ANO8: variants seen among roughly 807,000 people sequenced by gnomAD.
ANO8 encodes the protein anoctamin 8, also known as anoctamin-8.
In ANO8, 67 loss-of-function variants were observed where a neutral mutation model predicts 120.4. The ratio of observed to expected loss-of-function variants is 0.56; its 90% CI spans 0.46 to 0.68. The LOEUF is 0.68. ANO8 is among the 30% of genes least tolerant of loss of function. The pLI is 0.00. For missense variants in ANO8, 1,526 were observed against 1,737.6 expected (o/e 0.88, Z 2.16); for synonymous variants, 727 against 759.2 (o/e 0.96, Z 0.70).
chr19:17,328,418 G>A lies in ANO8; in HGVS notation c.1970C>T (p.Ala657Val), dbSNP rs1424002253. 1 of 1,574,880 alleles carries A rather than the reference G, an allele frequency of 6.3e-7. No individual in the cohort carries two copies. Among genetic ancestry groups the A allele is most frequent in the Non-Finnish European group, 8.6e-7 (1 of 1,166,488 alleles). ...CCCCTCCGCCTCGTCGTCCTCCTCG[G>A]CCAGGGTGAACACTCCCGGCTCCAG... ...KGLEPGVFTL[A>V]EEDDEAEGAP... The change falls in exon 13 of 18, where the codon GCC (alanine) becomes GTC (valine). Residue 657 changes from alanine to valine, a missense_variant. By Grantham distance (64) the Ala-to-Val change is moderately conservative (BLOSUM62 0). This residue lies in a region of ANO8 where 467 missense variants were observed against 425.8 expected (regional missense o/e 1.10). Transcript: ENST00000159087.
At chr19:17,323,988 A>G in intron 17 of ANO8, 104 bp from the exon 18 acceptor site, 1 of 1,024,226 alleles carries the variant, frequency 9.8e-7, no homozygotes, top group South Asian at 4.6e-5. Flanking sequence ...AGGCACATAA[A>G]GGCCTTATTG....
Position 17,328,452 on chromosome 19 carries a change from C to G in ANO8, c.1936G>C (p.Glu646Gln), listed in dbSNP as rs1422759506. 1 of 1,576,670 alleles carries G rather than the reference C, an allele frequency of 6.3e-7. No individual in the cohort carries two copies. Among genetic ancestry groups the G allele is most frequent in the Admixed American group, 1.8e-5 (1 of 55,382 alleles). The change falls in exon 13 of 18, where the codon GAG (glutamate) becomes CAG (glutamine). Residue 646 changes from glutamate to glutamine, a missense_variant. Coordinates refer to ENST00000159087, the MANE Select transcript of ANO8 (RefSeq NM_020959.3). ...LLEEGSPTMV[E>Q]KGLEPGVFTL... ...AACACTCCCGGCTCCAGCCCCTTCTCCACCATAGTGGGGCTCCCTTCCTCC... is the reference window on the plus strand; with the variant it reads ...AACACTCCCGGCTCCAGCCCCTTCTGCACCATAGTGGGGCTCCCTTCCTCC...
In ANO8 at chr19:17,331,076, C is replaced by G. The variant is rs748451040; in HGVS notation, c.831+12G>C. 1.2e-6 allele frequency: 2 copies of G among 1,614,136 alleles called. No homozygotes were observed. Among genetic ancestry groups the G allele is most frequent in the East Asian group, 4.5e-5 (2 of 44,878 alleles). ...TGGATCCCCCAGACCTTGCAGGGTCCCTGCCCAGTACCTGATCAGCCTCTG... is the reference window on the plus strand; with the variant it reads ...TGGATCCCCCAGACCTTGCAGGGTCGCTGCCCAGTACCTGATCAGCCTCTG... On this transcript the variant is annotated intron_variant, in intron 7 of 17. Transcript: ENST00000159087.
chr19:17,332,193 C>G (rs983543108), intron 5 of ANO8, among the ~76,000 whole-genome samples: 9 of 138,806 alleles, frequency 6.5e-5, no homozygotes, highest in African/African-American at 2.4e-4. Context: ...CCTCAGCCTC[C>G]CAAAGTGCTG....
In ANO8 at chr19:17,330,389, C is replaced by T; in HGVS notation, c.1109G>A (p.Cys370Tyr). 1 of 1,588,070 alleles carries T rather than the reference C, an allele frequency of 6.3e-7. No homozygotes were observed. The highest frequency in any genetic ancestry group is 8.6e-7 in the Non-Finnish European group (1 of 1,167,262). Residue 370 changes from cysteine to tyrosine, a missense_variant, in exon 9 of 18, where the codon TGT becomes TAT. Coordinates refer to ENST00000159087, the MANE Select transcript of ANO8 (RefSeq NM_020959.3). ...GCAGCCAAGCATGAGCAAGAAGACA[C>T]AGACGAGGCACGCCAGGCACAGGGG... ...SLPLCLACLVCVFLLMLGCFQ... is the reference protein window; with the variant it reads ...SLPLCLACLVYVFLLMLGCFQ...
chr19:17,330,032 G>T lies in ANO8; in HGVS notation c.1274-18C>A, dbSNP rs199748592. Reference sequence around the variant, plus strand: ...GTAATTTTCTAGGGGCCAAGGGGGGGAGTGAGGGGGCAGCCGCGGTCCCCC... The same window carrying T: ...GTAATTTTCTAGGGGCCAAGGGGGGTAGTGAGGGGGCAGCCGCGGTCCCCC... On this transcript the variant is annotated intron_variant, in intron 10 of 17. Coordinates refer to ENST00000159087, the MANE Select transcript of ANO8 (RefSeq NM_020959.3). 55 of 1,614,030 alleles carry T rather than the reference G, an allele frequency of 3.4e-5. 1 individual carries two copies. In the Admixed American group the frequency reaches 7.5e-4, roughly 22 times the overall value.
Position 17,325,139 on chromosome 19 carries a change from A to G in ANO8, c.2909T>C (p.Leu970Pro). The change falls in exon 17 of 18, where the codon CTG becomes CCG. Residue 970 changes from leucine (L) to proline (P), a missense_variant. Physicochemically the swap from Leu to Pro is moderately conservative, Grantham distance 98. This residue lies in a region of ANO8 where 489 missense variants were observed against 548.6 expected (regional missense o/e 0.89). Coordinates refer to ENST00000159087, the MANE Select transcript of ANO8 (RefSeq NM_020959.3). ...PERPKRPGSL[L>P]APNNVMKLKQ... Reference sequence around the variant, plus strand: ...CAACTTCATGACGTTGTTGGGTGCCAGCAGGGACCCTGGGCGCTTGGGCCG... The same window carrying G: ...CAACTTCATGACGTTGTTGGGTGCCGGCAGGGACCCTGGGCGCTTGGGCCG... The G allele has an allele frequency of 6.2e-7, 1 of 1,613,674 alleles. No individual in the cohort carries two copies. The highest frequency in any genetic ancestry group is 8.5e-7 in the Non-Finnish European group (1 of 1,179,950).
chr19:17,331,931 CTTTTTTT>C (rs71180396), intron 5 of ANO8, among the ~76,000 whole-genome samples: 12 of 78,604 alleles, frequency 1.5e-4, no homozygotes, highest in African/African-American at 2.7e-4. Context: ...CCGCGCCCGG[CTTTTTTT>C]TTTTTTTTTT....
In ANO8 at chr19:17,330,478, C is replaced by A. The variant is rs1412392485; in HGVS notation, c.1020G>T (p.Thr340=). The change falls in exon 9 of 18, where the codon ACG becomes ACT. Residue 340 remains threonine (T), a synonymous_variant. Transcript: ENST00000159087. ...FRGVRRISPI[T]RAEEFYYPPW... is the part of the protein sequence containing the mutation. ...GCGGGTAGTAGAACTCCTCGGCCCG[C>A]GTGATGGGGCTGATACGTCGCACGC... The A allele has an allele frequency of 6.5e-7, 1 of 1,546,464 alleles. No individual in the cohort carries two copies. Among genetic ancestry groups the A allele is most frequent in the Non-Finnish European group, 8.7e-7 (1 of 1,144,812 alleles).
chr19:17,328,112 C>A (rs749819667), intron 13 of ANO8, 50 bp downstream of exon 13: 3 of 1,473,520 alleles, frequency 2.0e-6, no homozygotes, highest in East Asian at 4.9e-5. Flanking sequence ...GACGGTGTGT[C>A]CCGTCCCCGG....
At chr19:17,331,948 T>G (rs999495241) in intron 5 of ANO8, among the ~76,000 whole-genome samples, 2 of 143,698 alleles carry the variant, frequency 1.4e-5, no homozygotes, top group Non-Finnish European at 3.0e-5. Flanking sequence ...TTTTTTTTTT[T>G]TTTTTTAGAC....
At chr19:17,331,553 G>A (rs1018735618) in intron 5 of ANO8, 142 bp from the exon 6 acceptor site, 4 of 694,162 alleles carry the variant, frequency 5.8e-6, no homozygotes, top group African/African-American at 3.5e-5. Flanking sequence ...AGTTCTAGAC[G>A]GATAGAAGAT....
At chr19:17,332,603 C>T (rs1283608999) in intron 5 of ANO8, among the ~76,000 whole-genome samples, 5 of 152,110 alleles carry the variant, frequency 3.3e-5, no homozygotes. Flanking sequence ...TCTCCTGGAC[C>T]CACCTCCCAG....
At chr19:17,330,096 C>T in intron 10 of ANO8, 29 bp downstream of exon 10, 1 of 1,613,898 alleles carries the variant, frequency 6.2e-7, no homozygotes. Context: ...TGGAGACCTT[C>T]CTCCCAGAGA....
rs764394880 is a variant in ANO8 at position 17,334,592 on chromosome 19, G to T, written c.79C>A (p.Pro27Thr). The T allele has an allele frequency of 6.4e-7, 1 of 1,550,590 alleles. No individual in the cohort carries two copies. Among genetic ancestry groups the T allele is most frequent in the Non-Finnish European group, 8.6e-7 (1 of 1,156,814 alleles). Residue 27 changes from proline (P) to threonine (T), a missense_variant, in exon 1 of 18, where the codon CCT becomes ACT. Pro to Thr is a conservative substitution (Grantham distance 38, BLOSUM62 -1). Transcript: ENST00000159087. ...AGAACTCCGGACGCCGGGGCTGCAGGCTCGCCCTCCGGCGGGGGCCTCTTG... is the reference window on the plus strand; with the variant it reads ...AGAACTCCGGACGCCGGGGCTGCAGTCTCGCCCTCCGGCGGGGGCCTCTTG... ...RGKRPPPEGE[P>T]AAPASGVLDK...
Position 17,334,767 on chromosome 19 carries a change from G to A in ANO8, c.-97C>T, listed in dbSNP as rs1354474335. The stretch of plus-strand genomic sequence containing the variant: ...GCAGCCGCGGAGCGCGCGGGAGGAG[G>A]AGACAAAGGCCGCGCCCGCCCGCGC... On this transcript the variant is annotated 5_prime_UTR_variant, in exon 1 of 18. Coordinates refer to ENST00000159087, the MANE Select transcript of ANO8 (RefSeq NM_020959.3). 3.3e-6 allele frequency: 4 copies of A among 1,199,642 alleles called. No individual in the cohort carries two copies. In the South Asian group the frequency reaches 5.5e-5, roughly 17 times the overall value. The allele number at this position is 1,199,642 out of a possible 1,614,324, so 74.3% of individuals were successfully genotyped here.
At chr19:17,324,487 TG>T (rs2074259467) in intron 17 of ANO8, among the ~76,000 whole-genome samples, 1 of 151,960 alleles carries the variant, frequency 6.6e-6, no homozygotes. Flanking sequence ...CAAGGGGCTT[TG>T]GCATCCCTCC....
rs766499507 is a variant in ANO8, at chr19:17,330,942, G to C, written c.879C>G (p.Ile293Met). The C allele has an allele frequency of 4.3e-6, 7 of 1,614,028 alleles. No homozygotes were observed. The highest frequency in any genetic ancestry group is 1.3e-5 in the African/African-American group (1 of 74,920). Residue 293 changes from isoleucine (I) to methionine (M), a missense_variant, in exon 8 of 18, where the codon ATC (isoleucine) becomes ATG (methionine). By Grantham distance (10) the Ile-to-Met change is conservative. Around this residue, in one of 8 missense-constraint regions of ANO8, gnomAD observed 322 missense variants for 431.8 expected, o/e 0.75. Coordinates refer to ENST00000159087, the MANE Select transcript of ANO8 (RefSeq NM_020959.3). ...ATTCCTCTAGGAACAGCGTCGACCA[G>C]ATCACGTTGAAGAGGGCAAAGACCA... ...SCVVFALFNV[I>M]WSTLFLEEWK... is the part of the protein sequence containing the mutation.
chr19:17,334,627 C>A lies in ANO8; in HGVS notation c.44G>T (p.Gly15Val), dbSNP rs756192319. Residue 15 changes from glycine to valine, a missense_variant, in exon 1 of 18, where the codon GGC (glycine) becomes GTC (valine). Coordinates refer to ENST00000159087, the MANE Select transcript of ANO8 (RefSeq NM_020959.3). ...ASGAGGTSLEGERGKRPPPEG... is the reference protein window; with the variant it reads ...ASGAGGTSLEVERGKRPPPEG... ...CGGCGGGGGCCTCTTGCCACGCTCG[C>A]CCTCCAGGGACGTGCCCCCGGCGCC... The A allele has an allele frequency of 4.6e-6, 7 of 1,518,382 alleles. No individual in the cohort carries two copies. The highest frequency in any genetic ancestry group is 6.1e-6 in the Non-Finnish European group (7 of 1,140,864). The allele number at this position is 1,518,382 out of a possible 1,614,324, so 94.1% of individuals were successfully genotyped here.
Sources: gnomAD v4.1 joint callset for allele counts (sites outside exome capture counted in the v4.1 genomes callset) on GRCh38, gnomAD v4.1.1 for gene constraint, gnomAD v4.1.1 regional missense constraint, MANE v1.5 for transcripts, NCBI Gene and HGNC (gene_info 2026-07-23, HGNC 2026-07-21) for gene names.